Variants in BTBD8 observed in about 807,000 individuals in gnomAD.
BTBD8 encodes BTB domain containing 8.
Under a neutral mutation model 162.9 loss-of-function variants are expected in BTBD8, and 110 were observed. That is an observed-to-expected ratio of 0.68 (90% CI 0.58 to 0.79). The LOEUF (loss-of-function observed/expected upper bound fraction) is 0.79. Ranked by LOEUF, BTBD8 falls within the 30% of genes least tolerant of loss-of-function variation. The pLI, the probability that BTBD8 is intolerant of heterozygous loss-of-function variation, is 0.00. For synonymous variants in BTBD8, 667 were observed against 716.1 expected, an observed-to-expected ratio of 0.93 and a Z score of 1.10; for missense variants, 1,905 against 2,085.4, an observed-to-expected ratio of 0.91 and a Z score of 1.68.
chr1:92,105,756 C>T (rs1317160044), intron 3 of BTBD8, among the ~76,000 whole-genome samples: 2 of 152,216 alleles, frequency 1.3e-5, no homozygotes, highest in African/African-American at 2.4e-5. Flanking sequence ...TCATGCAGCA[C>T]TCAGAACCAG....
At chr1:92,097,650 C>T (rs1324031503) in intron 2 of BTBD8, among the ~76,000 whole-genome samples, 2 of 152,110 alleles carry the variant, frequency 1.3e-5, no homozygotes, top group East Asian at 1.9e-4. Flanking sequence ...TGGCCTTTTA[C>T]GTGTGGCTTT....
chr1:92,167,942 T>C lies in BTBD8; in HGVS notation c.1400T>C (p.Met467Thr). 3 of 1,551,088 alleles carry C rather than the reference T, an allele frequency of 1.9e-6. No individual in the cohort carries two copies. Among genetic ancestry groups the C allele is most frequent in the Non-Finnish European group, 2.6e-6 (3 of 1,146,508 alleles). ...ACTGAAAATAGCTGCTCTCTTCTTATGGCTCTGGACACACTGCTGAACTCT... is the reference window on the plus strand; with the variant it reads ...ACTGAAAATAGCTGCTCTCTTCTTACGGCTCTGGACACACTGCTGAACTCT... ...ITTENSCSLL[M>T]ALDTLLNSDS... is the part of the protein sequence containing the mutation. Residue 467 changes from methionine (M) to threonine (T), a missense_variant, in exon 11 of 18, where the codon ATG (methionine) becomes ACG (threonine). By Grantham distance (81) the Met-to-Thr change is moderately conservative (BLOSUM62 -1). This residue lies in a region of BTBD8 where 1,374 missense variants were observed against 1,442.7 expected (regional missense o/e 0.95). Coordinates refer to ENST00000636805, the MANE Select transcript of BTBD8 (RefSeq NM_001376131.1).
At chr1:92,088,088 T>C (rs1648207652) in intron 1 of BTBD8, among the ~76,000 whole-genome samples, 1 of 152,194 alleles carries the variant, frequency 6.6e-6, no homozygotes, top group Non-Finnish European at 1.5e-5. Flanking sequence ...ATTTTAATGA[T>C]AGATTAGAGC....
intron 7 of BTBD8, among the ~76,000 whole-genome samples, chr1:92,143,929 A>G (rs1649839948): frequency 6.7e-6 from 1 of 150,346 alleles, no homozygotes; most frequent in Admixed American, 6.6e-5. Flanking sequence ...ATATTTTTAT[A>G]AATATACTTT....
intron 11 of BTBD8, 51 bp downstream of exon 11, chr1:92,168,036 T>A: frequency 6.9e-7 from 1 of 1,455,810 alleles, no homozygotes; most frequent in Non-Finnish European, 9.2e-7. Context: ...TGAACTAAGA[T>A]TTTTAGATGT....
rs1648223101 is a variant in BTBD8, at chr1:92,088,762, C to A, written c.214C>A (p.His72Asn). Residue 72 changes from histidine (H) to asparagine (N), a missense_variant, in exon 2 of 18, where the codon CAC becomes AAC. Transcript: ENST00000636805. ...TGTGGGTTGTACTTTGTTCAAAGCACACAAAGCAGTCCTTTTAGCAAGAGT... is the reference window on the plus strand; with the variant it reads ...TGTGGGTTGTACTTTGTTCAAAGCAAACAAAGCAGTCCTTTTAGCAAGAGT... The part of the protein sequence containing the change: ...FSVGCTLFKA[H>N]KAVLLARVPD... The A allele has an allele frequency of 6.2e-7, 1 of 1,612,872 alleles. No homozygotes were observed. The highest frequency in any genetic ancestry group is 1.3e-5 in the African/African-American group (1 of 74,878).
chr1:92,113,849 A>G (rs914011350), intron 4 of BTBD8, among the ~76,000 whole-genome samples: 1 of 151,780 alleles, frequency 6.6e-6, no homozygotes, highest in African/African-American at 2.4e-5. Flanking sequence ...TGTCTCTACT[A>G]AAAATACAAA....
chr1:92,153,794 G>A (rs1371720294), intron 9 of BTBD8, among the ~76,000 whole-genome samples: 1 of 152,132 alleles, frequency 6.6e-6, no homozygotes, highest in African/African-American at 2.4e-5. Flanking sequence ...GTTGGCTATT[G>A]TAAATAGTGC....
intron 4 of BTBD8, chr1:92,126,521 G>C: frequency 1.8e-6 from 1 of 570,212 alleles, no homozygotes; most frequent in South Asian, 1.5e-5. Context: ...CACTCATGCA[G>C]ACCGCTTTAT....
At chr1:92,135,540 G>A (rs528139224) in intron 5 of BTBD8, among the ~76,000 whole-genome samples, 1 of 152,078 alleles carries the variant, frequency 6.6e-6, no homozygotes, top group African/African-American at 2.4e-5. Context: ...CATTTTAATG[G>A]GAATAGTGCT....
At chr1:92,132,346 C>T (rs1427832524) in intron 5 of BTBD8, among the ~76,000 whole-genome samples, 1 of 151,694 alleles carries the variant, frequency 6.6e-6, no homozygotes, top group African/African-American at 2.4e-5. Context: ...CTTAATCACC[C>T]CTCATGAGCT....
In BTBD8 at chr1:92,184,303, A is replaced by G; in HGVS notation, c.5352A>G (p.Thr1784=). 5 of 1,550,292 alleles carry G rather than the reference A, an allele frequency of 3.2e-6. No individual in the cohort carries two copies. Among genetic ancestry groups the G allele is most frequent in the South Asian group, 2.4e-5 (2 of 83,842 alleles). ...SEDCSPQGEW[T]ILELETQH ...ATTGTTCGCCTCAAGGCGAGTGGAC[A>G]ATTCTGGAACTGGAAACTCAGCATT... is the stretch of plus-strand genomic sequence containing the variant. Residue 1784 remains threonine (T), a synonymous_variant, in exon 18 of 18, where the codon ACA becomes ACG. Transcript: ENST00000636805.
At chr1:92,082,668 A>T (rs1648050529) in intron 1 of BTBD8, among the ~76,000 whole-genome samples, 1 of 152,172 alleles carries the variant, frequency 6.6e-6, no homozygotes, top group African/African-American at 2.4e-5. Context: ...ATAGTAAGGA[A>T]CAGAGACACT....
At chr1:92,178,150 C>T (rs971801626) in intron 15 of BTBD8, among the ~76,000 whole-genome samples, 162 bp from the exon 16 acceptor site, 1 of 152,008 alleles carries the variant, frequency 6.6e-6, no homozygotes, top group Non-Finnish European at 1.5e-5. Flanking sequence ...ACTTGATCTA[C>T]AGTTTTATAA....
In BTBD8 at chr1:92,147,704, C is replaced by G. The variant is rs1181777988; in HGVS notation, c.1040C>G (p.Ala347Gly). The G allele has an allele frequency of 6.2e-7, 1 of 1,609,130 alleles. No individual in the cohort carries two copies. Among genetic ancestry groups the G allele is most frequent in the South Asian group, 1.1e-5 (1 of 89,354 alleles). The stretch of plus-strand genomic sequence containing the variant: ...AACAGGTGGATTGTAAAGCATTTTG[C>G]AAGGTTTTGGTCTGAGAGAAGCTTT... Reference protein sequence around the residue: ...DCMKWIVKHFARFWSERSFAN... With the variant: ...DCMKWIVKHFGRFWSERSFAN... Residue 347 changes from alanine (A) to glycine (G), a missense_variant, in exon 9 of 18, where the codon GCA (alanine) becomes GGA (glycine). Physicochemically the swap from Ala to Gly is moderately conservative, Grantham distance 60. Coordinates refer to ENST00000636805, the MANE Select transcript of BTBD8 (RefSeq NM_001376131.1).
At chr1:92,131,482 AG>A (rs553813748) in intron 5 of BTBD8, among the ~76,000 whole-genome samples, 242 of 152,304 alleles carry the variant, frequency 1.6e-3, no homozygotes, top group African/African-American at 5.6e-3. Flanking sequence ...CCAGCATTTC[AG>A]GAGGCCAGGG....
intron 4 of BTBD8, among the ~76,000 whole-genome samples, chr1:92,114,270 G>A (rs959859781): frequency 6.6e-6 from 1 of 151,970 alleles, no homozygotes; most frequent in African/African-American, 2.4e-5. Flanking sequence ...GACTGCCATG[G>A]AAAAAAGTCC....
At chr1:92,151,182 G>A (rs748247036) in intron 9 of BTBD8, among the ~76,000 whole-genome samples, 8 of 151,760 alleles carry the variant, frequency 5.3e-5, no homozygotes, top group African/African-American at 9.7e-5. Context: ...GTGAAACCCC[G>A]AATCTACTAA....
At chr1:92,155,581 A>C (rs1223925581) in intron 9 of BTBD8, among the ~76,000 whole-genome samples, 1 of 152,222 alleles carries the variant, frequency 6.6e-6, no homozygotes, top group Non-Finnish European at 1.5e-5. Context: ...CTGGGATTAC[A>C]GGCATAAGCC....
Sources: allele counts gnomAD v4.1 joint callset (sites outside exome capture counted in the v4.1 genomes callset), GRCh38; gene constraint gnomAD v4.1.1; regional missense constraint gnomAD v4.1.1; transcripts MANE v1.5; gene names NCBI Gene and HGNC (gene_info 2026-07-23, HGNC 2026-07-21).